IFFO1: variants seen among roughly 807,000 people sequenced by gnomAD.
IFFO1 encodes intermediate filament family orphan 1, also known as non-homologous end joining factor IFFO1.
IFFO1 carries 42 observed loss-of-function variants against 59.6 expected under a neutral mutation model. The observed-to-expected ratio is 0.70, with a 90% confidence interval of 0.55 to 0.91. The LOEUF is 0.91. IFFO1 is among the 40% of genes least tolerant of loss of function. IFFO1 has a pLI of 0.00. For synonymous variants in IFFO1, 336 were observed against 342.8 expected (o/e 0.98, Z 0.22); for missense variants, 711 against 793.2 (o/e 0.90, Z 1.24).
At chr12:6,551,846 G>A (rs1208068182) in intron 1 of IFFO1, 3 of 293,558 alleles carry the variant, frequency 1.0e-5, no homozygotes, top group Non-Finnish European at 2.0e-5. Flanking sequence ...CTGGGCCACA[G>A]GGCAGGGTCC....
rs770515743 is a variant in IFFO1 at position 6,549,900 on chromosome 12, T to C, written c.931-4A>G. 353 of 1,612,486 alleles carry C rather than the reference T, an allele frequency of 2.2e-4. 2 individuals are homozygous for C. Among genetic ancestry groups the C allele is most frequent in the Non-Finnish European group, 4.0e-5 (47 of 1,178,918 alleles). ...TGGTGTCCAGCTCCGACAGGTTCTG[T>C]CCAGGGAGCCCAGGGAACAGTGAGG... On this transcript the variant is annotated splice_region_variant and splice_polypyrimidine_tract_variant and intron_variant, in intron 3 of 9. Coordinates refer to ENST00000619571, the MANE Select transcript of IFFO1 (RefSeq NM_001193457.2). This position sits in a 1 kb window ranked among gnomAD's most constrained non-coding sequence, Gnocchi z 5.0.
Position 6,540,592 on chromosome 12 carries a change from GA to G in IFFO1, c.1611-5del. On this transcript the variant is annotated splice_polypyrimidine_tract_variant and splice_region_variant and intron_variant, in intron 9 of 9. Coordinates refer to ENST00000619571, the MANE Select transcript of IFFO1 (RefSeq NM_001193457.2). ...CGCAGTGAAAGCAGGAGACTTTCTA[GA>G]AAAAAACACCAGTTGTCAACCTTGG... 6.2e-7 allele frequency: 1 copy of G among 1,611,786 alleles called. No individual in the cohort carries two copies.
chr12:6,553,747 G>A lies in IFFO1; in HGVS notation c.773+1510C>T, dbSNP rs538741000. 1.5e-4 allele frequency among the ~76,000 whole-genome samples: 23 copies of A among 152,178 alleles called. 1 individual carries two copies. The highest frequency in any genetic ancestry group is 7.9e-4 in the Admixed American group (12 of 15,276). ...TGATGACGCTACTGCACTCCAGCCC[G>A]GATGACAGAGCAAGTCCCTGTCTCA... On this transcript the variant is annotated intron_variant, in intron 1 of 9. Coordinates refer to ENST00000619571, the MANE Select transcript of IFFO1 (RefSeq NM_001193457.2).
At position 6,549,014 on chromosome 12, in the gene IFFO1, G is replaced by A; in HGVS notation, c.1081-165C>T. On this transcript the variant is annotated intron_variant, in intron 5 of 9. Coordinates refer to ENST00000619571, the MANE Select transcript of IFFO1 (RefSeq NM_001193457.2). This position sits in a 1 kb window ranked among gnomAD's most constrained non-coding sequence, Gnocchi z 5.0. The stretch of plus-strand genomic sequence containing the variant: ...ACAGAAACACGGACAGTCACCAAGG[G>A]CCAGACACACAGCGGGGGTCAGGGC... 3.1e-6 allele frequency: 2 copies of A among 638,086 alleles called. No individual in the cohort carries two copies. The highest frequency in any genetic ancestry group is 5.4e-6 in the Non-Finnish European group (2 of 369,176). The allele number at this position is 638,086 out of a possible 1,614,324, so 39.5% of individuals were successfully genotyped here.
At chr12:6,542,274 C>A (rs1946752491) in intron 8 of IFFO1, among the ~76,000 whole-genome samples, 1 of 152,230 alleles carries the variant, frequency 6.6e-6, no homozygotes, top group African/African-American at 2.4e-5. Context: ...TGAGACCTGT[C>A]CTGATTTCAG....
chr12:6,548,610 T>A lies in IFFO1; in HGVS notation c.1262+58A>T. 6.2e-7 allele frequency: 1 copy of A among 1,613,400 alleles called. No homozygotes were observed. The highest frequency in any genetic ancestry group is 2.2e-5 in the East Asian group (1 of 44,846). On this transcript the variant is annotated intron_variant, in intron 6 of 9. Coordinates refer to ENST00000619571, the MANE Select transcript of IFFO1 (RefSeq NM_001193457.2). This position sits in a 1 kb window ranked among gnomAD's most constrained non-coding sequence, Gnocchi z 6.1. ...TCGTCCTGGCGGGGGACTGGGGAGCTCCGGCCTCCTGGGCTGCTGTGGCGT... is the reference window on the plus strand; with the variant it reads ...TCGTCCTGGCGGGGGACTGGGGAGCACCGGCCTCCTGGGCTGCTGTGGCGT...
chr12:6,554,005 T>C (rs1171651022), intron 1 of IFFO1, among the ~76,000 whole-genome samples: 1 of 152,078 alleles, frequency 6.6e-6, no homozygotes, highest in Non-Finnish European at 1.5e-5. Context: ...CTTCTAAAAT[T>C]GCACTTGTTC....
chr12:6,548,089 A>C lies in IFFO1; in HGVS notation c.1455T>G (p.Tyr485Ter). 6.2e-7 allele frequency: 1 copy of C among 1,613,786 alleles called. No homozygotes were observed. Among genetic ancestry groups the C allele is most frequent in the Non-Finnish European group, 8.5e-7 (1 of 1,179,754 alleles). The change falls in exon 8 of 10, where the codon TAT (tyrosine) becomes TAG (stop). Residue 485 changes from tyrosine to a stop codon, truncating the protein, a stop_gained. Transcript: ENST00000619571. LOFTEE classifies it high-confidence loss of function. The surrounding 1 kb of genome is among the most constrained non-coding windows in gnomAD (Gnocchi z 6.1). The part of the protein sequence containing the change: ...ESLFKTREKE[Y>*]QETIDQIELE... ...CCTCTATCTGGTCAATGGTCTCCTG[A>C]TACTCCTTCTCCCGGGTTTTGAACA...
At chr12:6,554,034 A>G (rs1485569406) in intron 1 of IFFO1, among the ~76,000 whole-genome samples, 1 of 152,056 alleles carries the variant, frequency 6.6e-6, no homozygotes, top group African/African-American at 2.4e-5. Flanking sequence ...GTGTTTACGA[A>G]ATCCTGTATT....
At chr12:6,540,986 T>C (rs1339966374) in intron 9 of IFFO1, among the ~76,000 whole-genome samples, 1 of 138,358 alleles carries the variant, frequency 7.2e-6, no homozygotes, top group African/African-American at 2.8e-5. Flanking sequence ...GGCAAGATAA[T>C]CACTTGAACC....
In IFFO1 at chr12:6,548,083, C is replaced by T; in HGVS notation, c.1461G>A (p.Glu487=). ...CCCTTACCTCTATCTGGTCAATGGT[C>T]TCCTGATACTCCTTCTCCCGGGTTT... ...LFKTREKEYQ[E]TIDQIELELA... The change falls in exon 8 of 10, where the codon GAG becomes GAA. Residue 487 remains glutamate (E), a synonymous_variant. Coordinates refer to ENST00000619571, the MANE Select transcript of IFFO1 (RefSeq NM_001193457.2). This position sits in a 1 kb window ranked among gnomAD's most constrained non-coding sequence, Gnocchi z 6.1. 1.2e-6 allele frequency: 2 copies of T among 1,613,672 alleles called. No individual in the cohort carries two copies. Among genetic ancestry groups the T allele is most frequent in the Middle Eastern group, 3.3e-4 (2 of 6,058 alleles).
In IFFO1 at chr12:6,541,313, C is replaced by T. The variant is rs1161560119; in HGVS notation, c.1610+199G>A. ...TGGCCTTGGGAGGTTTCAGCCCTCC[C>T]GTCATGAATGGACATAGCTCATCCA... On this transcript the variant is annotated intron_variant, in intron 9 of 9. Transcript: ENST00000619571. The surrounding 1 kb of genome is among the most constrained non-coding windows in gnomAD (Gnocchi z 4.8). Among the ~76,000 whole-genome samples, 2 of 152,140 alleles carry T rather than the reference C, an allele frequency of 1.3e-5. No individual in the cohort carries two copies. The highest frequency in any genetic ancestry group is 1.9e-4 in the East Asian group (1 of 5,192).
chr12:6,552,097 A>G (rs1426658067), intron 1 of IFFO1, among the ~76,000 whole-genome samples: 1 of 152,182 alleles, frequency 6.6e-6, no homozygotes, highest in African/African-American at 2.4e-5. Flanking sequence ...AGAAACTTCA[A>G]CACAAGAAAG....
Position 6,549,755 on chromosome 12 carries a change from C to G in IFFO1, c.1071+1G>C, listed in dbSNP as rs758029351. 4 of 1,612,110 alleles carry G rather than the reference C, an allele frequency of 2.5e-6. No homozygotes were observed. Among genetic ancestry groups the G allele is most frequent in the Non-Finnish European group, 3.4e-6 (4 of 1,178,514 alleles). ...AGAGCAGAGGGCAGCTCCGTCCTCACCTGGAACATCTGGATCATGTCCTCG... is the reference window on the plus strand; with the variant it reads ...AGAGCAGAGGGCAGCTCCGTCCTCAGCTGGAACATCTGGATCATGTCCTCG... On this transcript the variant is annotated splice_donor_variant, in intron 4 of 9. Transcript: ENST00000619571. LOFTEE classifies it high-confidence loss of function. This position sits in a 1 kb window ranked among gnomAD's most constrained non-coding sequence, Gnocchi z 5.0.
At position 6,541,737 on chromosome 12, in the gene IFFO1, G is replaced by C; in HGVS notation, c.1480-95C>G. 1.3e-6 allele frequency: 2 copies of C among 1,499,364 alleles called. No homozygotes were observed. The highest frequency in any genetic ancestry group is 1.8e-6 in the Non-Finnish European group (2 of 1,094,180). 92.9% of individuals were successfully genotyped at this position (1,499,364 alleles called of 1,614,324 possible). A position where few individuals can be genotyped will look rare whatever the true frequency, so the allele number is the denominator to read the frequency against. On this transcript the variant is annotated intron_variant, in intron 8 of 9. Coordinates refer to ENST00000619571, the MANE Select transcript of IFFO1 (RefSeq NM_001193457.2). This position sits in a 1 kb window ranked among gnomAD's most constrained non-coding sequence, Gnocchi z 4.8. ...GGAGGCCAACACGCCAAGAGCAGTG[G>C]CTGGGCCGGGGGCCCAGGCAGCCAT...
chr12:6,550,521 T>C (rs1947185280), intron 3 of IFFO1, 174 bp downstream of exon 3: 1 of 596,984 alleles, frequency 1.7e-6, no homozygotes, highest in Non-Finnish European at 3.0e-6. Context: ...ACACCGAGAC[T>C]TTTGTTGCTT....
Position 6,540,142 on chromosome 12 carries a change from T to G in IFFO1, c.*341A>C. ...CCGGACAACAGGGATGGAGGAAAGG[T>G]CCCACATTCACATTCCTGATACGTG... On this transcript the variant is annotated 3_prime_UTR_variant, in exon 10 of 10. Transcript: ENST00000619571. The G allele has an allele frequency of 5.1e-6, 2 of 395,386 alleles. No homozygotes were observed. Among genetic ancestry groups the G allele is most frequent in the African/African-American group, 2.1e-5 (1 of 48,224 alleles). The allele number at this position is 395,386 out of a possible 1,614,324, so 24.5% of individuals were successfully genotyped here. A position where few individuals can be genotyped will look rare whatever the true frequency, so the allele number is the denominator to read the frequency against.
In IFFO1 at chr12:6,548,105, G is replaced by A; in HGVS notation, c.1439C>T (p.Thr480Ile). 1 of 1,614,050 alleles carries A rather than the reference G, an allele frequency of 6.2e-7. No homozygotes were observed. Among genetic ancestry groups the A allele is most frequent in the Admixed American group, 1.7e-5 (1 of 60,010 alleles). ...VIKDTESLFK[T>I]REKEYQETID... The stretch of plus-strand genomic sequence containing the variant: ...GGTCTCCTGATACTCCTTCTCCCGG[G>A]TTTTGAACAGGGACTCCGTATCTTT... The change falls in exon 8 of 10, where the codon ACC becomes ATC. Residue 480 changes from threonine (T) to isoleucine (I), a missense_variant. Physicochemically the swap from Thr to Ile is moderately conservative, Grantham distance 89. Transcript: ENST00000619571. The surrounding 1 kb of genome is among the most constrained non-coding windows in gnomAD (Gnocchi z 6.1).
In IFFO1 at chr12:6,548,090, T is replaced by C. The variant is rs757978889; in HGVS notation, c.1454A>G (p.Tyr485Cys). ...CTCTATCTGGTCAATGGTCTCCTGA[T>C]ACTCCTTCTCCCGGGTTTTGAACAG... The part of the protein sequence containing the change: ...ESLFKTREKE[Y>C]QETIDQIELE... The change falls in exon 8 of 10, where the codon TAT becomes TGT. Residue 485 changes from tyrosine to cysteine, a missense_variant. Coordinates refer to ENST00000619571, the MANE Select transcript of IFFO1 (RefSeq NM_001193457.2). The surrounding 1 kb of genome is among the most constrained non-coding windows in gnomAD (Gnocchi z 6.1). The C allele has an allele frequency of 6.2e-7, 1 of 1,613,908 alleles. No individual in the cohort carries two copies. Among genetic ancestry groups the C allele is most frequent in the Non-Finnish European group, 8.5e-7 (1 of 1,179,782 alleles).
Sources: allele counts gnomAD v4.1 joint callset (sites outside exome capture counted in the v4.1 genomes callset), GRCh38; gene constraint gnomAD v4.1.1; non-coding constraint Gnocchi (gnomAD v3.1); transcripts MANE v1.5; gene names NCBI Gene and HGNC (gene_info 2026-07-23, HGNC 2026-07-21).